Variants in ITGA10 observed in about 807,000 individuals in gnomAD.
ITGA10 encodes the protein integrin subunit alpha 10, also known as integrin alpha-10.
Under a neutral mutation model 145.2 loss-of-function variants are expected in ITGA10, and 105 were observed. The observed-to-expected ratio is 0.72, with a 90% CI of 0.62 to 0.85. The LOEUF (loss-of-function observed/expected upper bound fraction) is 0.85. Ranked by LOEUF, ITGA10 falls within the 40% of genes least tolerant of loss-of-function variation. The pLI is 0.00. For missense variants in ITGA10, 1,317 were observed against 1,444.5 expected (o/e 0.91, Z 1.43); for synonymous variants, 506 against 557.8 (o/e 0.91, Z 1.31).
At position 145,900,046 on chromosome 1, in the gene ITGA10, G is replaced by A. The variant is rs782666232; in HGVS notation, c.1922+11C>T. 5 of 1,609,912 alleles carry A rather than the reference G, an allele frequency of 3.1e-6. No homozygotes were observed. In the Admixed American group the frequency reaches 5.1e-5, roughly 16 times the overall value. On this transcript the variant is annotated intron_variant, in intron 15 of 29. Transcript: ENST00000369304. ...ATGCTGTCCACCACCACCTGAGCTG[G>A]GACCCCTCACCTGAGCAGGATGGCT...
intron 7 of ITGA10, 44 bp downstream of exon 7, chr1:145,904,008 C>T: frequency 6.2e-7 from 1 of 1,610,250 alleles, no homozygotes. Context: ...TCTTCTAAGC[C>T]TTCATTGCTC....
At position 145,909,990 on chromosome 1, in the gene ITGA10, GGTGA is replaced by G. The variant is rs1657671037; in HGVS notation, c.21_24del (p.His8CysfsTer8). The G allele has an allele frequency of 3.7e-6, 6 of 1,613,460 alleles. No homozygotes were observed. The highest frequency in any genetic ancestry group is 5.1e-6 in the Non-Finnish European group (6 of 1,179,558). On this transcript the variant is annotated frameshift_variant, in exon 1 of 30. Coordinates refer to ENST00000369304, the MANE Select transcript of ITGA10 (RefSeq NM_003637.5). LOFTEE classifies it high-confidence loss of function. ...GTCAGGAACACCAGGGGCAAGAACA[GGTGA>G]GTGACGAAGGGGAGTTCCATGCCTG...
In ITGA10 at chr1:145,895,274, G is replaced by C. The variant is rs781879372; in HGVS notation, c.3228+6C>G. Reference sequence around the variant, plus strand: ...AGTGGGGAGTACTAGAAAAGGAAAGGCTTACTCTTCGGAAAAATTCATTGT... The same window carrying C: ...AGTGGGGAGTACTAGAAAAGGAAAGCCTTACTCTTCGGAAAAATTCATTGT... On this transcript the variant is annotated splice_donor_region_variant and intron_variant, in intron 27 of 29. Transcript: ENST00000369304. 2 of 1,599,034 alleles carry C rather than the reference G, an allele frequency of 1.3e-6. No homozygotes were observed. Among genetic ancestry groups the C allele is most frequent in the Non-Finnish European group, 1.7e-6 (2 of 1,166,772 alleles).
At chr1:145,900,294 T>A (rs1320081595) in intron 14 of ITGA10, 107 bp from the exon 15 acceptor site, 1 of 1,272,204 alleles carries the variant, frequency 7.9e-7, no homozygotes, top group Non-Finnish European at 1.1e-6. Context: ...TGAGATGGAG[T>A]TTCACTCTTG....
Position 145,896,357 on chromosome 1 carries a change from G to A in ITGA10, c.2835-5C>T, listed in dbSNP as rs1553745093. Reference sequence around the variant, plus strand: ...TAGCGGTGCAGGGTAGACTCACTGTGTGAACACCAAGTCAGGAAGTACATG... The same window carrying A: ...TAGCGGTGCAGGGTAGACTCACTGTATGAACACCAAGTCAGGAAGTACATG... On this transcript the variant is annotated splice_polypyrimidine_tract_variant and splice_region_variant and intron_variant, in intron 23 of 29. Transcript: ENST00000369304. The A allele has an allele frequency of 6.2e-7, 1 of 1,610,576 alleles. No homozygotes were observed. The highest frequency in any genetic ancestry group is 2.2e-5 in the East Asian group (1 of 44,870).
At chr1:145,907,213 G>A in intron 2 of ITGA10, 63 bp from the exon 3 acceptor site, 1 of 1,568,998 alleles carries the variant, frequency 6.4e-7, no homozygotes, top group East Asian at 2.3e-5. Context: ...ATAGGCCAAA[G>A]GGAAAGAGCA....
rs116151509 is a variant in ITGA10 at position 145,895,100 on chromosome 1, A to G, written c.3228+180T>C. ...ATAACAACCCCATGAAATTGGTATT[A>G]TCTTCCCATTTTAGAGATTAGGAAA... On this transcript the variant is annotated intron_variant, in intron 27 of 29. Transcript: ENST00000369304. Among the ~76,000 whole-genome samples, 1,329 of 152,312 alleles carry G rather than the reference A, an allele frequency of 8.7e-3. 15 individuals carry two copies. The highest frequency in any genetic ancestry group is 0.03 in the African/African-American group (1,247 of 41,558).
chr1:145,898,334 G>A, intron 17 of ITGA10, 111 bp from the exon 18 acceptor site: 2 of 496,488 alleles, frequency 4.0e-6, no homozygotes, highest in Non-Finnish European at 7.3e-6. Context: ...GATCTTAACT[G>A]TATTACTAAA....
Position 145,902,572 on chromosome 1 carries a change from C to A in ITGA10, c.957G>T (p.Leu319=). ...CACTGGCAATAGTTCTAATTTCTCT[C>A]AGGAAAGAGCTGGGATCTCGCTGCC... is the stretch of plus-strand genomic sequence containing the variant. ...LRRQRDPSSF[L]REIRTIASDP... The change falls in exon 9 of 30, where the codon CTG becomes CTT. Residue 319 remains leucine (L), a synonymous_variant. Coordinates refer to ENST00000369304, the MANE Select transcript of ITGA10 (RefSeq NM_003637.5). The A allele has an allele frequency of 6.2e-7, 1 of 1,613,174 alleles. No individual in the cohort carries two copies.
chr1:145,898,667 TA>T (rs1439198636), intron 17 of ITGA10, among the ~76,000 whole-genome samples: 1 of 152,164 alleles, frequency 6.6e-6, no homozygotes, highest in Non-Finnish European at 1.5e-5. Context: ...TGCGCCCGGC[TA>T]AATTTAATTT....
chr1:145,904,787 A>G lies in ITGA10; in HGVS notation c.506T>C (p.Val169Ala). 6.2e-7 allele frequency: 1 copy of G among 1,613,906 alleles called. No homozygotes were observed. The highest frequency in any genetic ancestry group is 8.5e-7 in the Non-Finnish European group (1 of 1,179,866). The change falls in exon 6 of 30, where the codon GTC (valine) becomes GCC (alanine). Residue 169 changes from valine (V) to alanine (A), a missense_variant. Physicochemically the swap from Val to Ala is moderately conservative, Grantham distance 64 (BLOSUM62 0). Transcript: ENST00000369304. ...GCTGTTGGAGCCATCCAAGACAATG[A>G]CAACATCCATGTATGTTGGGCAGCC... ...AQRCPTYMDV[V>A]IVLDGSNSIY...
chr1:145,902,737 A>T (rs1656530720), intron 8 of ITGA10, 74 bp downstream of exon 8: 1 of 1,545,264 alleles, frequency 6.5e-7, no homozygotes, highest in Non-Finnish European at 8.7e-7. Flanking sequence ...TCAAGTTCCC[A>T]GTCCTTGGAC....
chr1:145,896,669 G>T, intron 23 of ITGA10, 100 bp downstream of exon 23: 1 of 973,188 alleles, frequency 1.0e-6, no homozygotes, highest in Non-Finnish European at 1.7e-6. Context: ...GCAAGGGCTT[G>T]GGTTTTTGGA....
rs111746738 is a variant in ITGA10, at chr1:145,899,513, C to CT, written c.1923-173dup. On this transcript the variant is annotated intron_variant, in intron 15 of 29. Transcript: ENST00000369304. ...AAGATAATAGATTCATGTCATTGAT[C>CT]TTTTTTTTTTTTTGAGATGGAGTTT... Among the ~76,000 whole-genome samples, 650 of 145,908 alleles carry CT rather than the reference C, an allele frequency of 4.5e-3. 9 individuals carry two copies. Among genetic ancestry groups the CT allele is most frequent in the African/African-American group, 0.014 (557 of 40,012 alleles).
intron 25 of ITGA10, 124 bp downstream of exon 25, chr1:145,895,859 C>T: frequency 9.8e-7 from 1 of 1,018,976 alleles, no homozygotes. Context: ...AAAAAGAAAG[C>T]CCCCCAGAGA....
rs1417703349 is a variant in ITGA10, at chr1:145,897,162, C to T, written c.2668-75G>A. ...CTACAGAGGAACAGGAGCCCTTGTGCGCCCCCTTCCCTGAAGTCCCAGGAC... is the reference window on the plus strand; with the variant it reads ...CTACAGAGGAACAGGAGCCCTTGTGTGCCCCCTTCCCTGAAGTCCCAGGAC... On this transcript the variant is annotated intron_variant, in intron 21 of 29. Coordinates refer to ENST00000369304, the MANE Select transcript of ITGA10 (RefSeq NM_003637.5). 32 of 1,555,654 alleles carry T rather than the reference C, an allele frequency of 2.1e-5. 1 individual carries two copies. Among genetic ancestry groups the T allele is most frequent in the South Asian group, 1.1e-4 (10 of 89,924 alleles).
chr1:145,900,587 C>T (rs587729738), intron 14 of ITGA10, among the ~76,000 whole-genome samples: 1 of 152,210 alleles, frequency 6.6e-6, no homozygotes, highest in Admixed American at 6.5e-5. Context: ...ATAATGCTCC[C>T]GTCAGTCCTG....
Position 145,893,649 on chromosome 1 carries a change from G to A in ITGA10, c.3229-14C>T. On this transcript the variant is annotated splice_polypyrimidine_tract_variant and intron_variant, in intron 27 of 29. Coordinates refer to ENST00000369304, the MANE Select transcript of ITGA10 (RefSeq NM_003637.5). Reference sequence around the variant, plus strand: ...CTTGAACTTGGCCTATGGAACAAGTGGATAGGAAGACATTTAAAATGAGCC... The same window carrying A: ...CTTGAACTTGGCCTATGGAACAAGTAGATAGGAAGACATTTAAAATGAGCC... 4 of 1,592,830 alleles carry A rather than the reference G, an allele frequency of 2.5e-6. No homozygotes were observed. The highest frequency in any genetic ancestry group is 2.2e-5 in the East Asian group (1 of 44,760).
In ITGA10 at chr1:145,900,072, G is replaced by C; in HGVS notation, c.1907C>G (p.Ala636Gly). 6.2e-7 allele frequency: 1 copy of C among 1,613,376 alleles called. No individual in the cohort carries two copies. The highest frequency in any genetic ancestry group is 8.5e-7 in the Non-Finnish European group (1 of 1,179,632). ...LVDVAVGAQG[A>G]AILLSSRPIV... ...GACCCCTCACCTGAGCAGGATGGCT[G>C]CCCCCTGGGCACCCACAGCCACATC... The change falls in exon 15 of 30, where the codon GCA becomes GGA. Residue 636 changes from alanine (A) to glycine (G), a missense_variant. Ala to Gly is a moderately conservative substitution (Grantham distance 60). Coordinates refer to ENST00000369304, the MANE Select transcript of ITGA10 (RefSeq NM_003637.5).
Sources: gnomAD v4.1 joint callset for allele counts (sites outside exome capture counted in the v4.1 genomes callset) on GRCh38, gnomAD v4.1.1 for gene constraint, MANE v1.5 for transcripts, NCBI Gene and HGNC (gene_info 2026-07-23, HGNC 2026-07-21) for gene names.